RBFOX1: variants seen among roughly 807,000 people sequenced by gnomAD.
RBFOX1 encodes the protein RNA binding protein fox-1 homolog 1.
A neutral mutation model predicts 57.7 loss-of-function variants in RBFOX1; 8 were observed. That is an observed-to-expected ratio of 0.14 (90% CI 0.08 to 0.25). RBFOX1 has a LOEUF of 0.25. RBFOX1 is among the 10% of genes least tolerant of loss of function. The probability of loss-of-function intolerance (pLI) is 1.00; values close to 1 mark genes in which losing one functional copy is unlikely to be tolerated. For synonymous variants in RBFOX1, 326 were observed against 222.4 expected, an observed-to-expected ratio of 1.47 and a Z score of -4.15; for missense variants, 611 against 548.5, an observed-to-expected ratio of 1.11 and a Z score of -1.14.
intron 2 of RBFOX1, among the ~76,000 whole-genome samples, chr16:6,350,883 C>T (rs2086235041): frequency 1.3e-5 from 2 of 152,150 alleles, no homozygotes; most frequent in African/African-American, 4.8e-5. Flanking sequence ...ACTTGGAGGC[C>T]TAGGTTTCTA....
At chr16:7,537,479 C>G (rs187396664) in intron 5 of RBFOX1, among the ~76,000 whole-genome samples, 32 of 151,828 alleles carry the variant, frequency 2.1e-4, no homozygotes, top group Admixed American at 2.0e-3. Flanking sequence ...ACAAGTCTGA[C>G]TTAGTAATAT....
chr16:6,285,961 G>A lies in RBFOX1; in HGVS notation c.-126-31034G>A, dbSNP rs567288382. ...TGTAAAAGTGGGATAACACACAGTC[G>A]GCGGAGCGTTATTTAGTTCAAGCCA... is the stretch of plus-strand genomic sequence containing the variant. On this transcript the variant is annotated intron_variant, in intron 1 of 15. Coordinates refer to ENST00000550418, the MANE Select transcript of RBFOX1 (RefSeq NM_018723.4). Among the ~76,000 whole-genome samples, 13 of 152,220 alleles carry A rather than the reference G, an allele frequency of 8.5e-5. No homozygotes were observed. In the East Asian group the frequency reaches 2.1e-3, roughly 25 times the overall value.
intron 2 of RBFOX1, among the ~76,000 whole-genome samples, chr16:6,347,512 G>A (rs1030216278): frequency 1.3e-5 from 2 of 152,216 alleles, no homozygotes; most frequent in Non-Finnish European, 2.9e-5. Context: ...TGACAGTGTA[G>A]TGTCAATCAT....
intron 1 of RBFOX1, among the ~76,000 whole-genome samples, chr16:6,123,422 T>C (rs1404729796): frequency 6.6e-6 from 1 of 152,196 alleles, no homozygotes; most frequent in Non-Finnish European, 1.5e-5. Context: ...AAATACTATA[T>C]GGTTCTACTT....
intron 1 of RBFOX1, among the ~76,000 whole-genome samples, chr16:5,344,264 T>C (rs1008439840): frequency 2.0e-5 from 3 of 152,226 alleles, no homozygotes. Context: ...TGCAGCTCCC[T>C]CTCTCCTGCT....
chr16:7,107,152 A>G (rs2063764147), intron 4 of RBFOX1, among the ~76,000 whole-genome samples: 1 of 152,196 alleles, frequency 6.6e-6, no homozygotes, highest in Admixed American at 6.5e-5. Context: ...CATTGTATCC[A>G]GGGAGAACAG....
intron 2 of RBFOX1, among the ~76,000 whole-genome samples, chr16:6,467,956 T>A (rs2095087874): frequency 6.6e-6 from 1 of 152,236 alleles, no homozygotes; most frequent in African/African-American, 2.4e-5. Context: ...GAATCTGCTT[T>A]CTTTTTAATG....
intron 1 of RBFOX1, among the ~76,000 whole-genome samples, chr16:6,266,604 C>A (rs2074528415): frequency 6.6e-6 from 1 of 151,898 alleles, no homozygotes; most frequent in Admixed American, 6.6e-5. Context: ...ATCCCAGCTA[C>A]TCAGGGGGCT....
intron 4 of RBFOX1, among the ~76,000 whole-genome samples, chr16:7,057,812 A>C (rs899506055): frequency 6.6e-6 from 1 of 152,122 alleles, no homozygotes; most frequent in Non-Finnish European, 1.5e-5. Flanking sequence ...GTTGGAGACT[A>C]GCCTAGCCAA....
intron 4 of RBFOX1, among the ~76,000 whole-genome samples, chr16:5,905,265 C>T (rs2058430247): frequency 6.6e-6 from 1 of 151,658 alleles, no homozygotes; most frequent in South Asian, 2.1e-4. Flanking sequence ...ACGGCCCAGG[C>T]TGGTCTAGAA....
chr16:6,647,402 G>A (rs961639489), intron 2 of RBFOX1, among the ~76,000 whole-genome samples: 3 of 152,042 alleles, frequency 2.0e-5, no homozygotes, highest in Non-Finnish European at 2.9e-5. Flanking sequence ...CCACCACCAT[G>A]CCTGGCTAAT....
chr16:7,279,863 C>G (rs925016187), intron 4 of RBFOX1, among the ~76,000 whole-genome samples: 1 of 152,182 alleles, frequency 6.6e-6, no homozygotes, highest in Non-Finnish European at 1.5e-5. Context: ...CCCTCAAGGA[C>G]TCATGAAGGC....
intron 4 of RBFOX1, among the ~76,000 whole-genome samples, chr16:7,110,017 A>G (rs2064371786): frequency 1.3e-5 from 2 of 152,022 alleles, no homozygotes; most frequent in Admixed American, 6.6e-5. Context: ...AGGGAGGAGG[A>G]GTTATAATTC....
rs2153100083 is a variant in RBFOX1, at chr16:6,483,191, A to C, written c.-64+166134A>C. ...TCATTTGGCGAGCGTTTTGGCGCGG[A>C]CAGAGGCCGAGGCCGGCCGGGGAAG... On this transcript the variant is annotated intron_variant, in intron 2 of 15. Coordinates refer to ENST00000550418, the MANE Select transcript of RBFOX1 (RefSeq NM_018723.4). 2.6e-6 allele frequency: 3 copies of C among 1,167,872 alleles called. No individual in the cohort carries two copies. In the East Asian group the frequency reaches 1.5e-4, roughly 57 times the overall value. 72.3% of individuals were successfully genotyped at this position (1,167,872 alleles called of 1,614,324 possible).
At chr16:7,610,139 T>TTTTTTTTTTTTTTTGG (rs2057174916) in intron 10 of RBFOX1, among the ~76,000 whole-genome samples, 4 of 127,722 alleles carry the variant, frequency 3.1e-5, no homozygotes, top group Non-Finnish European at 6.6e-5. Flanking sequence ...TTTTTTTTTT[T>TTTTTTTTTTTTTTTGG]GAGGCAGTTT....
At chr16:7,674,726 C>T (rs1479752382) in intron 13 of RBFOX1, among the ~76,000 whole-genome samples, 1 of 152,210 alleles carries the variant, frequency 6.6e-6, no homozygotes, top group African/African-American at 2.4e-5. Flanking sequence ...AGCGGAATCC[C>T]AGGTGTACAC....
chr16:5,463,588 T>A (rs1308455132), intron 1 of RBFOX1, among the ~76,000 whole-genome samples: 2 of 151,898 alleles, frequency 1.3e-5, no homozygotes, highest in Non-Finnish European at 2.9e-5. Flanking sequence ...TCACCTGAGG[T>A]CAGGAGTTTG....
chr16:5,497,715 G>C (rs1305054629), intron 2 of RBFOX1, among the ~76,000 whole-genome samples: 1 of 152,026 alleles, frequency 6.6e-6, no homozygotes, highest in Non-Finnish European at 1.5e-5. Context: ...AGAGGCAGAG[G>C]TCGCAGTGAG....
At chr16:7,705,949 G>C (rs139049722) in intron 14 of RBFOX1, among the ~76,000 whole-genome samples, 164 of 152,288 alleles carry the variant, frequency 1.1e-3, no homozygotes, top group African/African-American at 3.9e-3. Context: ...GGGATGCATG[G>C]TGTGGAGGAT....
Sources: gnomAD v4.1 joint callset for allele counts (sites outside exome capture counted in the v4.1 genomes callset) on GRCh38, gnomAD v4.1.1 for gene constraint, MANE v1.5 for transcripts, NCBI Gene and HGNC (gene_info 2026-07-23, HGNC 2026-07-21) for gene names.